Variants in C10orf143 observed in about 807,000 individuals in gnomAD.
The protein encoded by C10orf143 is uncharacterized protein C10orf143.
At chr10:130,091,190 G>C (rs1861376169) in intron 1 of C10orf143, among the ~76,000 whole-genome samples, 1 of 152,294 alleles carries the variant, frequency 6.6e-6, no homozygotes, top group South Asian at 2.1e-4. Flanking sequence ...CATCTGGCAG[G>C]TGCCCCTCTG....
chr10:130,093,839 T>C (rs989246066), intron 1 of C10orf143, among the ~76,000 whole-genome samples: 1 of 151,798 alleles, frequency 6.6e-6, no homozygotes, highest in African/African-American at 2.4e-5. Context: ...TGAAACCCCA[T>C]CTCTACTAAA....
At chr10:130,069,851 A>G (rs2134752399) in intron 3 of C10orf143, among the ~76,000 whole-genome samples, 1 of 113,212 alleles carries the variant, frequency 8.8e-6, no homozygotes, top group South Asian at 2.7e-4. Flanking sequence ...TCTTATGTCC[A>G]TTGTTTCTTT....
chr10:130,070,857 T>C (rs1344107137), intron 3 of C10orf143, among the ~76,000 whole-genome samples: 1 of 152,224 alleles, frequency 6.6e-6, no homozygotes, highest in African/African-American at 2.4e-5. Context: ...ATTCATTCTA[T>C]TGATGAACAT....
At position 130,048,573 on chromosome 10, in the gene C10orf143, C is replaced by A. The variant is rs560734767; in HGVS notation, c.298-12603G>T. ...TCCATGGGAGCCCAAAGAATTGAGA[C>A]GTGCAGGGACCTCGGTCACTTTTAG... On this transcript the variant is annotated intron_variant and NMD_transcript_variant, in intron 3 of 5. Transcript: ENST00000643056. Among the ~76,000 whole-genome samples the A allele has an allele frequency of 8.9e-4, 136 of 152,292 alleles. No homozygotes were observed. The Middle Eastern group carries it at 0.01, about 11-fold the overall frequency.
chr10:130,109,139 A>C (rs1232187221), intron 1 of C10orf143, among the ~76,000 whole-genome samples: 1 of 152,116 alleles, frequency 6.6e-6, no homozygotes, highest in African/African-American at 2.4e-5. Context: ...TCTCTTGTGC[A>C]AACCTCTGCC....
intron 1 of C10orf143, among the ~76,000 whole-genome samples, chr10:130,080,228 T>C (rs542798675): frequency 3.7e-4 from 56 of 152,356 alleles, no homozygotes; most frequent in Non-Finnish European, 7.2e-4. Flanking sequence ...CCTATAAATT[T>C]TGTTCAAGAA....
At chr10:130,066,373 T>TTTTC (rs1243085590) in intron 3 of C10orf143, 2 of 150,050 alleles carry the variant, frequency 1.3e-5, no homozygotes, top group Non-Finnish European at 3.0e-5. Flanking sequence ...TTTTTTTTTT[T>TTTTC]GGTAGAGACA....
chr10:130,100,018 A>G (rs1489007739), intron 1 of C10orf143, among the ~76,000 whole-genome samples: 6 of 145,858 alleles, frequency 4.1e-5, no homozygotes, highest in Non-Finnish European at 7.5e-5. Context: ...TTGTATTTTT[A>G]GTAGAGACGG....
At chr10:130,047,522 G>A (rs1353830584) in intron 3 of C10orf143, among the ~76,000 whole-genome samples, 1 of 152,154 alleles carries the variant, frequency 6.6e-6, no homozygotes, top group Admixed American at 6.5e-5. Context: ...TCAACCTGCA[G>A]CCGCTTTCTC....
chr10:130,039,764 G>T (rs1179327298), intron 3 of C10orf143, among the ~76,000 whole-genome samples: 1 of 152,070 alleles, frequency 6.6e-6, no homozygotes, highest in Non-Finnish European at 1.5e-5. Context: ...CTCTAGGAAG[G>T]CTCCCGACGT....
rs369284797 is a variant in C10orf143, at chr10:130,055,952, T to TAAA, written c.298-19985_298-19983dup. ...CAGAGCAAGACTCCGTCTCCAAAAG[T>TAAA]AAAAAAAAAAAAAAAAAAAAAAAAA... On this transcript the variant is annotated intron_variant and NMD_transcript_variant, in intron 3 of 5. Transcript: ENST00000643056. Among the ~76,000 whole-genome samples, 336 of 65,870 alleles carry TAAA rather than the reference T, an allele frequency of 5.1e-3. 6 individuals are homozygous for TAAA. Among genetic ancestry groups the TAAA allele is most frequent in the Non-Finnish European group, 7.7e-3 (288 of 37,372 alleles). The allele number at this position is 65,870 out of a possible 152,430, so 43.2% of individuals were successfully genotyped here.
intron 3 of C10orf143, among the ~76,000 whole-genome samples, chr10:130,075,124 A>G (rs978399659): frequency 2.6e-5 from 4 of 152,216 alleles, no homozygotes; most frequent in African/African-American, 9.6e-5. Flanking sequence ...GCTAATGACA[A>G]TGCTGGTATC....
chr10:130,055,905 C>T (rs1288517828), intron 3 of C10orf143, among the ~76,000 whole-genome samples: 2 of 127,260 alleles, frequency 1.6e-5, no homozygotes, highest in Non-Finnish European at 1.6e-5. Flanking sequence ...GAGATCGCAT[C>T]ACTGTACTCC....
chr10:130,059,420 AAAAT>A (rs1358689913), downstream of C10orf143, among the ~76,000 whole-genome samples: 1 of 152,230 alleles, frequency 6.6e-6, no homozygotes, highest in Non-Finnish European at 1.5e-5. Flanking sequence ...AGAACTCTTA[AAAAT>A]AAATAAAGAC....
In C10orf143 at chr10:130,040,991, A is replaced by G. The variant is rs181806534; in HGVS notation, c.298-5021T>C. ...TGGGAAGGGACACTGGATCTTAGTG[A>G]GGGCCCCCGCCACCGGCACTCCCAG... On this transcript the variant is annotated intron_variant and NMD_transcript_variant, in intron 3 of 5. Transcript: ENST00000643056. 7.8e-3 allele frequency among the ~76,000 whole-genome samples: 1,193 copies of G among 152,048 alleles called. 14 individuals carry two copies. The highest frequency in any genetic ancestry group is 0.027 in the African/African-American group (1,104 of 41,450).
intron 1 of C10orf143, among the ~76,000 whole-genome samples, chr10:130,093,373 A>G (rs776342985): frequency 6.6e-6 from 1 of 152,216 alleles, no homozygotes; most frequent in Admixed American, 6.5e-5. Context: ...CAATGAGAAC[A>G]AAGACACAAT....
intron 3 of C10orf143, among the ~76,000 whole-genome samples, chr10:130,079,002 C>T (rs920805533): frequency 6.6e-6 from 1 of 151,974 alleles, no homozygotes; most frequent in African/African-American, 2.4e-5. Context: ...GGAGTAAGTT[C>T]AAAATTAATA....
At position 130,083,940 on chromosome 10, in the gene C10orf143, A is replaced by G. The variant is rs57770658; in HGVS notation, c.70-4039T>C. ...GGGGAGAGGAACCCAAGTGGAATAC[A>G]AAAATAATGAACCTAACTACATTAC... On this transcript the variant is annotated intron_variant, in intron 1 of 3. Transcript: ENST00000637128. 8.9e-3 allele frequency among the ~76,000 whole-genome samples: 1,361 copies of G among 152,284 alleles called. 17 individuals carry two copies. The highest frequency in any genetic ancestry group is 0.03 in the African/African-American group (1,250 of 41,546).
rs765313610 is a variant in C10orf143, at chr10:130,107,184, T to C, written c.69+3520A>G. On this transcript the variant is annotated intron_variant, in intron 1 of 3. Transcript: ENST00000637128. ...GAGAATCAGAAGCTTCAACAGAAAC[T>C]TAAAGTAATGACTGAATTATATCAA... 2.7e-6 allele frequency: 4 copies of C among 1,478,292 alleles called. No homozygotes were observed. In the East Asian group the frequency reaches 6.8e-5, roughly 25 times the overall value. 91.6% of individuals were successfully genotyped at this position (1,478,292 alleles called of 1,614,324 possible). A position where few individuals can be genotyped will look rare whatever the true frequency, so the allele number is the denominator to read the frequency against.
Sources: allele counts gnomAD v4.1 joint callset (sites outside exome capture counted in the v4.1 genomes callset), GRCh38; gene constraint gnomAD v4.1.1; transcripts MANE v1.5; gene names NCBI Gene and HGNC (gene_info 2026-07-23, HGNC 2026-07-21).